The following WWOX variants were observed in gnomAD, a reference collection of about 807,000 sequenced individuals.
The protein encoded by WWOX is WW domain-containing oxidoreductase.
WWOX carries 69 observed loss-of-function variants against 46.2 expected under a neutral mutation model. The ratio of observed to expected loss-of-function variants is 1.49; its 90% CI spans 1.23 to 1.82. WWOX has a LOEUF of 1.82. Ranked by LOEUF, WWOX falls within the 40% of genes most tolerant of loss-of-function variation. The pLI, the probability that WWOX is intolerant of heterozygous loss-of-function variation, is 0.00. For missense variants in WWOX, 919 were observed against 542.6 expected (o/e 1.69, Z -6.89); for synonymous variants, 359 against 202.6 (o/e 1.77, Z -6.56).
chr16:78,838,040 C>G (rs2052037050), intron 8 of WWOX, among the ~76,000 whole-genome samples: 1 of 152,134 alleles, frequency 6.6e-6, no homozygotes, highest in Non-Finnish European at 1.5e-5. Flanking sequence ...AAGACTGGCA[C>G]AGTTAGAGGC....
intron 8 of WWOX, among the ~76,000 whole-genome samples, chr16:78,782,733 G>T (rs2050361250): frequency 1.4e-5 from 2 of 144,486 alleles, no homozygotes; most frequent in East Asian, 4.1e-4. Context: ...AGGTATTTCA[G>T]ACAACATTAT....
At chr16:78,321,386 A>G (rs535753923) in intron 5 of WWOX, among the ~76,000 whole-genome samples, 1 of 99,000 alleles carries the variant, frequency 1.0e-5, no homozygotes. Context: ...ATATGCGTAT[A>G]TATATACGTA....
intron 8 of WWOX, among the ~76,000 whole-genome samples, chr16:78,775,843 G>A (rs942777716): frequency 3.9e-5 from 6 of 152,118 alleles, no homozygotes; most frequent in East Asian, 1.9e-4. Context: ...GTGATCCTCC[G>A]TTTTAACCCT....
At chr16:78,748,110 G>A (rs1441162510) in intron 8 of WWOX, among the ~76,000 whole-genome samples, 2 of 152,076 alleles carry the variant, frequency 1.3e-5, no homozygotes, top group Admixed American at 6.6e-5. Context: ...CTCCCAGACC[G>A]GACCCTCCAC....
chr16:78,298,024 G>A (rs2079970102), intron 5 of WWOX, among the ~76,000 whole-genome samples: 2 of 152,142 alleles, frequency 1.3e-5, no homozygotes, highest in Admixed American at 1.3e-4. Context: ...TGATGGTTTT[G>A]TGCGGGGCTT....
chr16:79,195,230 A>C (rs1176194545), intron 8 of WWOX, among the ~76,000 whole-genome samples: 2 of 152,088 alleles, frequency 1.3e-5, no homozygotes, highest in Non-Finnish European at 2.9e-5. Context: ...ATGTAGGAAG[A>C]TTACTGGGGA....
intron 5 of WWOX, among the ~76,000 whole-genome samples, chr16:78,209,739 T>TAAAAAAAAAAAAAAAAAA (rs5818116): frequency 6.9e-6 from 1 of 145,870 alleles, no homozygotes. Context: ...TTGCGGAGAT[T>TAAAAAAAAAAAAAAAAAA]AAAAAAAAAA....
At chr16:78,103,895 C>T (rs1200946450) in intron 1 of WWOX, among the ~76,000 whole-genome samples, 1 of 151,962 alleles carries the variant, frequency 6.6e-6, no homozygotes, top group Non-Finnish European at 1.5e-5. Context: ...CCTCACGGTT[C>T]ACTTGTGTGC....
At chr16:78,129,781 A>C (rs1365445675) in intron 4 of WWOX, among the ~76,000 whole-genome samples, 1 of 151,984 alleles carries the variant, frequency 6.6e-6, no homozygotes, top group Non-Finnish European at 1.5e-5. Context: ...GATTTATGAC[A>C]GTTTTGAAAA....
At chr16:78,481,817 C>T (rs1567598465) in intron 8 of WWOX, among the ~76,000 whole-genome samples, 1 of 150,224 alleles carries the variant, frequency 6.7e-6, no homozygotes, top group East Asian at 2.0e-4. Context: ...TTTGTGAAAA[C>T]TGTGAAGACA....
intron 5 of WWOX, among the ~76,000 whole-genome samples, chr16:78,210,746 G>A (rs556476678): frequency 1.1e-4 from 16 of 152,112 alleles, no homozygotes; most frequent in Non-Finnish European, 1.2e-4. Flanking sequence ...GTGGCCAAGT[G>A]GCATTTCATC....
intron 5 of WWOX, among the ~76,000 whole-genome samples, chr16:78,233,233 A>G (rs923700365): frequency 6.6e-6 from 1 of 152,254 alleles, no homozygotes; most frequent in Non-Finnish European, 1.5e-5. Flanking sequence ...TTTCACAGAT[A>G]TGCAGATTTA....
intron 1 of WWOX, among the ~76,000 whole-genome samples, chr16:78,105,772 G>C (rs866913937): frequency 6.6e-6 from 1 of 152,114 alleles, no homozygotes; most frequent in African/African-American, 2.4e-5. Flanking sequence ...ACAAGGCTCA[G>C]CTTCCACTGT....
At chr16:78,932,846 G>A (rs1386039865) in intron 8 of WWOX, among the ~76,000 whole-genome samples, 1 of 152,184 alleles carries the variant, frequency 6.6e-6, no homozygotes, top group Non-Finnish European at 1.5e-5. Flanking sequence ...GAGGCATTTG[G>A]AGGTCATCTG....
chr16:79,027,953 GTTGT>G lies in WWOX; in HGVS notation c.1057-183644_1057-183641del, dbSNP rs369495611. ...TTTTCCTTTGTTTTTCTTTTTTGTT[GTTGT>G]TTGTTTGTTTTTGAGACGGAGTGTC... On this transcript the variant is annotated intron_variant, in intron 8 of 8. Transcript: ENST00000566780. Among the ~76,000 whole-genome samples, 82 of 151,642 alleles carry G rather than the reference GTTGT, an allele frequency of 5.4e-4. 2 individuals are homozygous for G. The highest frequency in any genetic ancestry group is 1.7e-3 in the African/African-American group (70 of 41,082).
intron 8 of WWOX, among the ~76,000 whole-genome samples, chr16:78,462,581 C>T (rs931010888): frequency 2.0e-5 from 3 of 152,208 alleles, no homozygotes; most frequent in Non-Finnish European, 4.4e-5. Flanking sequence ...GCTGAGCGCT[C>T]ACTGAAGTGG....
intron 8 of WWOX, among the ~76,000 whole-genome samples, chr16:78,478,699 C>G (rs559368462): frequency 7.9e-5 from 12 of 152,314 alleles, no homozygotes; most frequent in African/African-American, 2.9e-4. Context: ...TTAATGCAGG[C>G]TCCAAAGGTG....
chr16:78,428,507 G>A (rs9930366), intron 7 of WWOX, among the ~76,000 whole-genome samples: 5,222 of 152,322 alleles, frequency 0.034, 185 homozygotes, highest in African/African-American at 0.092. Context: ...TGCCTGATAC[G>A]TAGCAGCTGG....
chr16:79,129,685 C>G (rs1396075559), intron 8 of WWOX, among the ~76,000 whole-genome samples: 1 of 152,120 alleles, frequency 6.6e-6, no homozygotes, highest in Non-Finnish European at 1.5e-5. Context: ...GGACTGCATT[C>G]CATGCCTGGC....
Sources: allele counts gnomAD v4.1 joint callset (sites outside exome capture counted in the v4.1 genomes callset), GRCh38; gene constraint gnomAD v4.1.1; transcripts MANE v1.5; gene names NCBI Gene and HGNC (gene_info 2026-07-23, HGNC 2026-07-21).